The following TRDN variants were observed in gnomAD, a reference collection of about 807,000 sequenced individuals.
TRDN encodes the protein triadin in skeletal muscle.
A neutral mutation model predicts 149.7 loss-of-function variants in TRDN; 161 were observed. That is an observed-to-expected ratio of 1.08 (90% CI 0.95 to 1.23). The LOEUF (loss-of-function observed/expected upper bound fraction) is 1.23, where lower values mean the gene tolerates loss of function less well. Ranked by LOEUF, TRDN falls within the 50% of genes most tolerant of loss-of-function variation. The pLI is 0.00. For synonymous variants in TRDN, 294 were observed against 250.5 expected, an observed-to-expected ratio of 1.17 and a Z score of -1.64; for missense variants, 896 against 823.5, an observed-to-expected ratio of 1.09 and a Z score of -1.08.
intron 23 of TRDN, among the ~76,000 whole-genome samples, chr6:123,320,804 A>G (rs991283): frequency 0.5 from 76,594 of 151,880 alleles, 20,450 homozygotes; most frequent in Non-Finnish European, 0.61. Context: ...TAATTAACAT[A>G]TACAGTATAA....
At chr6:123,520,626 G>A (rs1225541605) in intron 5 of TRDN, among the ~76,000 whole-genome samples, 1 of 152,142 alleles carries the variant, frequency 6.6e-6, no homozygotes, top group African/African-American at 2.4e-5. Context: ...AAGTTGTAAA[G>A]CTAATCTGAT....
intron 12 of TRDN, among the ~76,000 whole-genome samples, chr6:123,403,929 T>A (rs954694609): frequency 1.3e-5 from 2 of 152,186 alleles, no homozygotes; most frequent in African/African-American, 4.8e-5. Context: ...AGATATTTGA[T>A]ATTCAAATTA....
intron 38 of TRDN, among the ~76,000 whole-genome samples, chr6:123,242,183 C>A (rs937881672): frequency 6.6e-6 from 1 of 152,056 alleles, no homozygotes; most frequent in Non-Finnish European, 1.5e-5. Context: ...TTTTATCATC[C>A]CTTGGTTTTA....
chr6:123,239,091 G>A (rs1177409316), intron 38 of TRDN, among the ~76,000 whole-genome samples: 1 of 152,086 alleles, frequency 6.6e-6, no homozygotes, highest in Non-Finnish European at 1.5e-5. Flanking sequence ...TGCCCACCTC[G>A]GCCTTCCAAA....
chr6:123,574,857 C>CATATATATATATATATATATATATAT (rs1162190609), intron 1 of TRDN, among the ~76,000 whole-genome samples: 2 of 50,570 alleles, frequency 4.0e-5, no homozygotes, highest in Non-Finnish European at 7.3e-5. Flanking sequence ...TTTATATATA[C>CATATATATATATATATATATATATAT]ATATATATAT....
At chr6:123,445,251 G>C (rs1375845230) in intron 10 of TRDN, 3 of 152,278 alleles carry the variant, frequency 2.0e-5, no homozygotes, top group Middle Eastern at 6.8e-3. Context: ...AGTCTTGGGA[G>C]AGTGTATGTT....
intron 33 of TRDN, among the ~76,000 whole-genome samples, chr6:123,261,360 C>T (rs971594859): frequency 6.6e-6 from 1 of 151,812 alleles, no homozygotes; most frequent in Non-Finnish European, 1.5e-5. Context: ...AAAACAAACT[C>T]AGTTCATATT....
chr6:123,304,163 C>T (rs1392280555), intron 24 of TRDN, among the ~76,000 whole-genome samples: 1 of 151,844 alleles, frequency 6.6e-6, no homozygotes, highest in East Asian at 1.9e-4. Flanking sequence ...GACAGAATAA[C>T]CATATAAAGA....
chr6:123,267,528 A>G (rs1381125996), intron 32 of TRDN, among the ~76,000 whole-genome samples, 179 bp downstream of exon 32: 2 of 152,130 alleles, frequency 1.3e-5, no homozygotes, highest in African/African-American at 2.4e-5. Context: ...TTGGCAATCT[A>G]TGTTTGATTG....
intron 8 of TRDN, among the ~76,000 whole-genome samples, chr6:123,499,132 A>G (rs1267864219): frequency 6.6e-6 from 1 of 152,058 alleles, no homozygotes; most frequent in Non-Finnish European, 1.5e-5. Context: ...GGCACTATAG[A>G]CTCCCATGAC....
At chr6:123,270,030 A>G (rs1463357971) in intron 30 of TRDN, among the ~76,000 whole-genome samples, 164 bp from the exon 31 acceptor site, 2 of 152,062 alleles carry the variant, frequency 1.3e-5, no homozygotes, top group South Asian at 2.1e-4. Context: ...CAGCAAATAC[A>G]TTAATCAAAC....
At chr6:123,564,892 A>G (rs1031259085) in intron 2 of TRDN, among the ~76,000 whole-genome samples, 3 of 152,230 alleles carry the variant, frequency 2.0e-5, no homozygotes, top group Admixed American at 6.5e-5. Context: ...CGCTGGTACA[A>G]CCATGTAATG....
At chr6:123,232,810 T>G (rs1775654440) in intron 38 of TRDN, among the ~76,000 whole-genome samples, 1 of 152,050 alleles carries the variant, frequency 6.6e-6, no homozygotes, top group Non-Finnish European at 1.5e-5. Context: ...TTTCTCAGTT[T>G]TAAACATAAA....
At chr6:123,567,567 A>T (rs1782355960) in intron 2 of TRDN, among the ~76,000 whole-genome samples, 3 of 151,512 alleles carry the variant, frequency 2.0e-5, no homozygotes, top group Admixed American at 1.3e-4. Context: ...TCATGGTGGA[A>T]GTTGAAGGGA....
intron 7 of TRDN, among the ~76,000 whole-genome samples, chr6:123,507,829 T>A (rs1778996729): frequency 6.6e-6 from 1 of 152,224 alleles, no homozygotes; most frequent in African/African-American, 2.4e-5. Flanking sequence ...CATTAGCTAC[T>A]GCATCAGATT....
At chr6:123,323,061 G>A (rs999089631) in intron 23 of TRDN, among the ~76,000 whole-genome samples, 10 of 151,958 alleles carry the variant, frequency 6.6e-5, no homozygotes, top group South Asian at 2.1e-4. Context: ...AAATTGTTAC[G>A]GATATATAAC....
intron 8 of TRDN, among the ~76,000 whole-genome samples, chr6:123,500,653 CCTT>C (rs1285332156): frequency 1.3e-5 from 2 of 152,084 alleles, no homozygotes; most frequent in Admixed American, 6.6e-5. Flanking sequence ...CCATTTCTCT[CCTT>C]CTTGATTCTC....
chr6:123,263,587 C>T (rs1209940857), intron 33 of TRDN, among the ~76,000 whole-genome samples: 1 of 151,974 alleles, frequency 6.6e-6, no homozygotes, highest in Non-Finnish European at 1.5e-5. Flanking sequence ...CTATGATCCC[C>T]AAGCTGTACT....
intron 5 of TRDN, among the ~76,000 whole-genome samples, chr6:123,517,697 C>T (rs1400323358): frequency 2.6e-5 from 4 of 152,054 alleles, no homozygotes; most frequent in South Asian, 2.1e-4. Flanking sequence ...TATGTCTCTG[C>T]CTGTATGTGT....
Sources: allele counts gnomAD v4.1 joint callset (sites outside exome capture counted in the v4.1 genomes callset), GRCh38; gene constraint gnomAD v4.1.1; transcripts MANE v1.5; gene names NCBI Gene and HGNC (gene_info 2026-07-23, HGNC 2026-07-21).